The following TPD52L1 variants were observed in gnomAD, a reference collection of about 807,000 sequenced individuals.
TPD52L1 encodes the protein tumor protein D53.
In TPD52L1, 18 loss-of-function variants were observed where a neutral mutation model predicts 28.7. The observed-to-expected ratio is 0.63, with a 90% CI of 0.43 to 0.93. The LOEUF is 0.93. Ranked by LOEUF, TPD52L1 falls within the 40% of genes least tolerant of loss-of-function variation. The pLI, the probability that TPD52L1 is intolerant of heterozygous loss-of-function variation, is 0.00. For missense variants in TPD52L1, 203 were observed against 254.8 expected, an observed-to-expected ratio of 0.80 and a Z score of 1.39; for synonymous variants, 75 against 88.8, an observed-to-expected ratio of 0.84 and a Z score of 0.88.
At chr6:125,177,643 C>G (rs1791905085) in intron 1 of TPD52L1, among the ~76,000 whole-genome samples, 1 of 152,104 alleles carries the variant, frequency 6.6e-6, no homozygotes, top group Non-Finnish European at 1.5e-5. Context: ...GTTATTCATC[C>G]ATATGTCTTA....
At chr6:125,222,093 C>T (rs1270429246) in intron 2 of TPD52L1, 1 of 152,220 alleles carries the variant, frequency 6.6e-6, no homozygotes, top group African/African-American at 2.4e-5. Flanking sequence ...GTTTTTAAAA[C>T]AGCTTTCCTT....
At chr6:125,205,850 T>C (rs985952685) in intron 1 of TPD52L1, among the ~76,000 whole-genome samples, 5 of 152,226 alleles carry the variant, frequency 3.3e-5, no homozygotes, top group African/African-American at 1.2e-4. Flanking sequence ...AAGAGTTCCA[T>C]GTATTTGTTG....
intron 2 of TPD52L1, among the ~76,000 whole-genome samples, chr6:125,220,952 G>A (rs1034948834): frequency 2.6e-5 from 4 of 152,184 alleles, no homozygotes; most frequent in African/African-American, 4.8e-5. Context: ...TCTGCATTCT[G>A]TGTCCTGGCT....
At chr6:125,170,411 T>C (rs547412564) in intron 1 of TPD52L1, among the ~76,000 whole-genome samples, 1 of 151,902 alleles carries the variant, frequency 6.6e-6, no homozygotes, top group East Asian at 1.9e-4. Flanking sequence ...ATTTTTCTCT[T>C]AGGGGCAGAT....
At chr6:125,155,814 C>T (rs1394212465) in intron 1 of TPD52L1, among the ~76,000 whole-genome samples, 14 of 152,136 alleles carry the variant, frequency 9.2e-5, no homozygotes, top group Admixed American at 9.2e-4. Context: ...GGACTCATTT[C>T]CTGTGCGCAG....
chr6:125,176,693 C>T (rs953122920), intron 1 of TPD52L1, among the ~76,000 whole-genome samples: 5 of 151,892 alleles, frequency 3.3e-5, no homozygotes, highest in African/African-American at 7.3e-5. Flanking sequence ...GTTAAAATTC[C>T]GATAATCAAC....
At chr6:125,200,286 T>C (rs1351182908) in intron 1 of TPD52L1, among the ~76,000 whole-genome samples, 1 of 152,240 alleles carries the variant, frequency 6.6e-6, no homozygotes, top group Non-Finnish European at 1.5e-5. Context: ...TTCAAGATTG[T>C]CTATAATTGC....
intron 1 of TPD52L1, among the ~76,000 whole-genome samples, chr6:125,192,852 A>G (rs1360854327): frequency 1.3e-5 from 2 of 152,182 alleles, no homozygotes; most frequent in Non-Finnish European, 2.9e-5. Context: ...TGACAGCTGG[A>G]TCTATCACAA....
intron 2 of TPD52L1, among the ~76,000 whole-genome samples, chr6:125,222,615 G>T (rs1430262724): frequency 6.6e-6 from 1 of 152,136 alleles, no homozygotes; most frequent in Non-Finnish European, 1.5e-5. Context: ...CAAAATAAAA[G>T]CTGTTGGGAC....
chr6:125,248,195 C>A, intron 3 of TPD52L1, 87 bp from the exon 4 acceptor site: 1 of 1,087,332 alleles, frequency 9.2e-7, no homozygotes, highest in Non-Finnish European at 1.4e-6. Flanking sequence ...GAGGAAAGGA[C>A]ATTTTCAAAG....
intron 1 of TPD52L1, among the ~76,000 whole-genome samples, chr6:125,179,413 G>C (rs1481090159): frequency 6.6e-6 from 1 of 152,210 alleles, no homozygotes; most frequent in African/African-American, 2.4e-5. Flanking sequence ...TCAAAAACTG[G>C]ACTTCCTCAA....
At chr6:125,186,447 T>C (rs1792636514) in intron 1 of TPD52L1, among the ~76,000 whole-genome samples, 1 of 152,180 alleles carries the variant, frequency 6.6e-6, no homozygotes, top group South Asian at 2.1e-4. Flanking sequence ...AGGAACCCAG[T>C]ATAGCAAAAT....
At chr6:125,216,529 G>GTA (rs56135453) in intron 1 of TPD52L1, among the ~76,000 whole-genome samples, 1,374 of 68,804 alleles carry the variant, frequency 0.02, 8 homozygotes, top group South Asian at 0.025. Flanking sequence ...GTATGTGTGT[G>GTA]TATATATATA....
At chr6:125,186,168 G>A (rs1274528361) in intron 1 of TPD52L1, among the ~76,000 whole-genome samples, 1 of 152,134 alleles carries the variant, frequency 6.6e-6, no homozygotes, top group Non-Finnish European at 1.5e-5. Flanking sequence ...ACAAGCATGA[G>A]CCACCGTGGC....
intron 1 of TPD52L1, among the ~76,000 whole-genome samples, chr6:125,173,616 T>C (rs982248906): frequency 6.6e-6 from 1 of 152,224 alleles, no homozygotes; most frequent in African/African-American, 2.4e-5. Flanking sequence ...TTAAGAAGCC[T>C]GTTTAAACTC....
intron 3 of TPD52L1, 49 bp downstream of exon 3, chr6:125,229,315 C>T (rs1448877594): frequency 4.6e-6 from 7 of 1,531,850 alleles, no homozygotes; most frequent in Non-Finnish European, 6.1e-6. Flanking sequence ...GATGTCTCCT[C>T]ACTCTGTTGT....
intron 4 of TPD52L1, chr6:125,253,147 A>AC (rs1207376298): frequency 6.6e-6 from 1 of 152,598 alleles, no homozygotes; most frequent in East Asian, 1.9e-4. Flanking sequence ...GATGTTCTTG[A>AC]CAGTCATCTA....
chr6:125,239,229 T>A (rs2115013113), intron 3 of TPD52L1, among the ~76,000 whole-genome samples: 1 of 152,368 alleles, frequency 6.6e-6, no homozygotes, highest in East Asian at 1.9e-4. Context: ...TAATTAGTGA[T>A]GTGAGGCATT....
intron 3 of TPD52L1, among the ~76,000 whole-genome samples, chr6:125,245,219 G>A (rs1481748708): frequency 6.6e-6 from 1 of 152,174 alleles, no homozygotes; most frequent in Non-Finnish European, 1.5e-5. Flanking sequence ...TCGTCATGTG[G>A]ACAGACTCAG....
Sources: gnomAD v4.1 joint callset for allele counts (sites outside exome capture counted in the v4.1 genomes callset) on GRCh38, gnomAD v4.1.1 for gene constraint, MANE v1.5 for transcripts, NCBI Gene and HGNC (gene_info 2026-07-23, HGNC 2026-07-21) for gene names.